Variants in BMAL2 observed in about 807,000 individuals in gnomAD.
BMAL2 encodes basic helix-loop-helix ARNT like 2, also known as basic helix-loop-helix ARNT-like protein 2.
At chr12:27,371,679 T>C in the BMAL2 span, among the ~76,000 whole-genome samples, 1 of 151,792 alleles carries the variant, frequency 6.6e-6, no homozygotes, top group African/African-American at 2.4e-5. Flanking sequence ...ATTCATTGCC[T>C]CTGCACTTTT....
chr12:27,373,062 A>G, the BMAL2 span, among the ~76,000 whole-genome samples: 1 of 152,170 alleles, frequency 6.6e-6, no homozygotes, highest in Admixed American at 6.5e-5. Context: ...CACCCTGGAA[A>G]CAGCATGGAG....
At chr12:27,404,325 CG>C in the BMAL2 span, among the ~76,000 whole-genome samples, 1 of 149,958 alleles carries the variant, frequency 6.7e-6, no homozygotes, top group African/African-American at 2.5e-5. Context: ...TATTAAAATA[CG>C]TTATAAAGCT....
the BMAL2 span, among the ~76,000 whole-genome samples, chr12:27,419,699 A>G: frequency 3.3e-5 from 5 of 152,212 alleles, no homozygotes; most frequent in African/African-American, 1.2e-4. Flanking sequence ...AGGAATTTGG[A>G]TATCCACTTT....
chr12:27,409,201 A>G, the BMAL2 span, among the ~76,000 whole-genome samples: 1 of 152,214 alleles, frequency 6.6e-6, no homozygotes, highest in Admixed American at 6.5e-5. Flanking sequence ...TGCCATCCCC[A>G]TCAAGCTACC....
chr12:27,412,104 A>G, the BMAL2 span, among the ~76,000 whole-genome samples: 512 of 152,316 alleles, frequency 3.4e-3, 5 homozygotes, highest in African/African-American at 0.012. Context: ...TGTTGCAAAG[A>G]CCATCCTTTT....
the BMAL2 span, chr12:27,420,589 A>C: frequency 6.7e-7 from 1 of 1,490,948 alleles, no homozygotes; most frequent in Non-Finnish European, 9.0e-7. Context: ...ATTTACGAAA[A>C]ACTGTCTCAA....
At chr12:27,361,521 A>T in the BMAL2 span, among the ~76,000 whole-genome samples, 6,225 of 152,310 alleles carry the variant, frequency 0.041, 156 homozygotes, top group Non-Finnish European at 0.061. Flanking sequence ...GAAAGACAAT[A>T]TCAAAACATT....
chr12:27,404,208 A>G, the BMAL2 span, among the ~76,000 whole-genome samples: 1 of 132,498 alleles, frequency 7.5e-6, no homozygotes, highest in Non-Finnish European at 1.6e-5. Flanking sequence ...AAAAAATACC[A>G]CCATGCATTT....
chr12:27,420,508 C>T, the BMAL2 span: 1 of 1,603,568 alleles, frequency 6.2e-7, no homozygotes, highest in East Asian at 2.2e-5. Context: ...CTGGGGACTT[C>T]AGTGACATCC....
the BMAL2 span, among the ~76,000 whole-genome samples, chr12:27,336,091 G>A: frequency 6.6e-6 from 1 of 152,174 alleles, no homozygotes; most frequent in South Asian, 2.1e-4. Flanking sequence ...CTAGTTTTCA[G>A]TTGTCTCATT....
At chr12:27,396,990 T>G in the BMAL2 span, among the ~76,000 whole-genome samples, 2 of 152,228 alleles carry the variant, frequency 1.3e-5, no homozygotes, top group Non-Finnish European at 2.9e-5. Context: ...ATTTTTCATA[T>G]GGTCGTTTTG....
the BMAL2 span, among the ~76,000 whole-genome samples, chr12:27,339,932 C>T: frequency 2.0e-5 from 3 of 152,072 alleles, no homozygotes; most frequent in East Asian, 1.9e-4. Context: ...CCTTTGCCCA[C>T]GTTTTAATGG....
At chr12:27,382,371 A>G in the BMAL2 span, among the ~76,000 whole-genome samples, 1 of 152,148 alleles carries the variant, frequency 6.6e-6, no homozygotes, top group African/African-American at 2.4e-5. Context: ...ATGAGGCAAG[A>G]TCTCTGCCCT....
chr12:27,377,000 CAA>C, the BMAL2 span, among the ~76,000 whole-genome samples: 26 of 91,728 alleles, frequency 2.8e-4, no homozygotes, highest in South Asian at 7.5e-3. Flanking sequence ...AACTCCGTCT[CAA>C]AAAAAAAAAA....
the BMAL2 span, among the ~76,000 whole-genome samples, chr12:27,413,152 C>T: frequency 2.0e-5 from 3 of 152,124 alleles, no homozygotes; most frequent in East Asian, 5.8e-4. Flanking sequence ...GAATTCTTCA[C>T]GTTAAACTGA....
chr12:27,339,951 G>GT, the BMAL2 span, among the ~76,000 whole-genome samples: 1 of 151,928 alleles, frequency 6.6e-6, no homozygotes, highest in Admixed American at 6.6e-5. Context: ...GGAGTTGTTT[G>GT]TTTTTTCCTT....
chr12:27,401,329 T>G, the BMAL2 span: 17 of 1,614,130 alleles, frequency 1.1e-5, no homozygotes, highest in Middle Eastern at 2.0e-3. Context: ...TTCATCAAGA[T>G]GACCACAATA....
At chr12:27,377,805 T>C in the BMAL2 span, among the ~76,000 whole-genome samples, 1 of 152,138 alleles carries the variant, frequency 6.6e-6, no homozygotes, top group Admixed American at 6.5e-5. Flanking sequence ...GATAACTGAA[T>C]TTTATGTGAA....
At chr12:27,419,774 AC>A in the BMAL2 span, among the ~76,000 whole-genome samples, 1 of 152,064 alleles carries the variant, frequency 6.6e-6, no homozygotes, top group Non-Finnish European at 1.5e-5. Context: ...ATATATACAA[AC>A]CTTTGGTTAG....
Sources: gnomAD v4.1 joint callset for allele counts (sites outside exome capture counted in the v4.1 genomes callset) on GRCh38, gnomAD v4.1.1 for gene constraint, MANE v1.5 for transcripts, NCBI Gene and HGNC (gene_info 2026-07-23, HGNC 2026-07-21) for gene names.